Variants in SHB observed in about 807,000 individuals in gnomAD.
The protein encoded by SHB is SH2 domain-containing adapter protein B.
A neutral mutation model predicts 52.3 loss-of-function variants in SHB; 20 were observed. That is an observed-to-expected ratio of 0.38 (90% CI 0.27 to 0.56). SHB has a LOEUF of 0.56. Among genes scored for constraint, SHB ranks in the 20% least tolerant of loss-of-function variants. SHB has a pLI of 0.71. For synonymous variants in SHB, 397 were observed against 316.5 expected, an observed-to-expected ratio of 1.25 and a Z score of -2.70; for missense variants, 825 against 723.3, an observed-to-expected ratio of 1.14 and a Z score of -1.61.
Position 37,949,681 on chromosome 9 carries a change from T to C in SHB, c.1227-927A>G, listed in dbSNP as rs114152879. 3.5e-3 allele frequency among the ~76,000 whole-genome samples: 526 copies of C among 152,230 alleles called. 4 individuals are homozygous for C. The highest frequency in any genetic ancestry group is 0.012 in the African/African-American group (505 of 41,534). On this transcript the variant is annotated intron_variant, in intron 4 of 5. Transcript: ENST00000377707. ...CTCTGTTTGAGCAACATGGAAACCA[T>C]CAGAGGGTGCTGATGGGAGGGCCAC...
intron 3 of SHB, among the ~76,000 whole-genome samples, chr9:37,960,216 G>GA (rs1301702275): frequency 3.3e-5 from 5 of 151,976 alleles, no homozygotes; most frequent in African/African-American, 1.2e-4. Flanking sequence ...GGCAGCCTAA[G>GA]AAAAAAAATG....
chr9:37,956,037 C>T lies in SHB; in HGVS notation c.1072G>A (p.Glu358Lys), dbSNP rs1444991815. 1.9e-6 allele frequency: 3 copies of T among 1,566,108 alleles called. No individual in the cohort carries two copies. The highest frequency in any genetic ancestry group is 4.7e-5 in the East Asian group (2 of 42,920). The part of the protein sequence containing the change: ...PALAAQFNGN[E>K]KRQSSPSPSR... ...GGTGAGGGGGATGACTGCCGCTTCT[C>T]GTTGCCATTAAACTGTGCTGTGGGG... Residue 358 changes from glutamate to lysine, a missense_variant, in exon 4 of 6, where the codon GAG (glutamate) becomes AAG (lysine). Physicochemically the swap from Glu to Lys is moderately conservative, Grantham distance 56. Transcript: ENST00000377707.
chr9:37,971,033 A>G (rs73455554), intron 3 of SHB, among the ~76,000 whole-genome samples: 6,164 of 152,260 alleles, frequency 0.04, 268 homozygotes, highest in African/African-American at 0.11. Context: ...TCCTCCAGCT[A>G]TGGATCCTGC....
intron 1 of SHB, among the ~76,000 whole-genome samples, chr9:38,045,703 A>G (rs1287244208): frequency 6.6e-6 from 1 of 152,226 alleles, no homozygotes; most frequent in East Asian, 1.9e-4. Flanking sequence ...GTGAGATCCT[A>G]CACAGCACAA....
intron 5 of SHB, among the ~76,000 whole-genome samples, chr9:37,927,084 C>T (rs1832258668): frequency 6.6e-6 from 1 of 152,232 alleles, no homozygotes. Context: ...AAGCAACTTG[C>T]CCAGTCACGA....
Position 37,932,880 on chromosome 9 carries a change from G to A in SHB, c.1347-12876C>T, listed in dbSNP as rs144229652. ...TTCTCCTGCCTTGGCCTCCCAAAGC[G>A]CTGGGATTATAGGCATGAGGTACTG... On this transcript the variant is annotated intron_variant, in intron 5 of 5. Coordinates refer to ENST00000377707, the MANE Select transcript of SHB (RefSeq NM_003028.3). Among the ~76,000 whole-genome samples the A allele has an allele frequency of 4.6e-3, 695 of 152,300 alleles. 3 individuals carry two copies. Among genetic ancestry groups the A allele is most frequent in the African/African-American group, 0.016 (669 of 41,558 alleles).
chr9:37,987,488 A>G (rs1040817146), intron 2 of SHB, among the ~76,000 whole-genome samples: 1 of 152,214 alleles, frequency 6.6e-6, no homozygotes, highest in African/African-American at 2.4e-5. Context: ...GGGACAAAAG[A>G]ACACGGACAC....
At chr9:38,050,398 A>AC (rs1821724211) in intron 1 of SHB, among the ~76,000 whole-genome samples, 1 of 152,234 alleles carries the variant, frequency 6.6e-6, no homozygotes. Flanking sequence ...ATGCAAGGTT[A>AC]CCTTAGATTT....
chr9:38,065,991 T>C (rs1821955823), intron 1 of SHB, among the ~76,000 whole-genome samples: 1 of 152,158 alleles, frequency 6.6e-6, no homozygotes, highest in African/African-American at 2.4e-5. Flanking sequence ...ATCCCTCCTG[T>C]AACCCTGTAA....
intron 2 of SHB, 70 bp downstream of exon 2, chr9:38,015,941 G>T: frequency 6.5e-7 from 1 of 1,533,466 alleles, no homozygotes; most frequent in South Asian, 1.2e-5. Context: ...GGGACCACCC[G>T]GCAGTGCCCT....
intron 1 of SHB, among the ~76,000 whole-genome samples, chr9:38,042,040 G>A (rs974844272): frequency 3.3e-5 from 5 of 152,162 alleles, no homozygotes; most frequent in Admixed American, 1.3e-4. Context: ...AGGAGCACTG[G>A]GGCAGACGGG....
chr9:38,063,792 G>A (rs891146030), intron 1 of SHB, among the ~76,000 whole-genome samples: 1 of 142,700 alleles, frequency 7.0e-6, no homozygotes, highest in African/African-American at 2.7e-5. Flanking sequence ...CTGTTTGCTG[G>A]ATGTTTTTTT....
intron 5 of SHB, among the ~76,000 whole-genome samples, chr9:37,936,171 G>C (rs1832368379): frequency 6.6e-6 from 1 of 152,114 alleles, no homozygotes; most frequent in Admixed American, 6.5e-5. Flanking sequence ...AGCCGAGATA[G>C]CGCCATTGCA....
At chr9:37,956,104 G>C (rs1321978162) in intron 3 of SHB, 50 bp from the exon 4 acceptor site, 7 of 1,519,094 alleles carry the variant, frequency 4.6e-6, no homozygotes, top group African/African-American at 4.1e-5. Flanking sequence ...AGCCCAGGGA[G>C]CTACTGTGAG....
intron 5 of SHB, among the ~76,000 whole-genome samples, chr9:37,925,046 G>A (rs1215576088): frequency 1.3e-5 from 2 of 152,206 alleles, no homozygotes; most frequent in East Asian, 3.8e-4. Context: ...AGCAGGCTGA[G>A]CCTTAGCCCC....
intron 2 of SHB, among the ~76,000 whole-genome samples, chr9:38,014,247 T>C (rs1821181661): frequency 6.6e-6 from 1 of 151,954 alleles, no homozygotes. Flanking sequence ...ATTCTGAACA[T>C]GACCCAAAGT....
At chr9:38,034,598 A>AG (rs1414198903) in intron 1 of SHB, among the ~76,000 whole-genome samples, 2 of 152,266 alleles carry the variant, frequency 1.3e-5, no homozygotes, top group African/African-American at 4.8e-5. Context: ...CTGATCCCAC[A>AG]GAACACGCCT....
At chr9:37,964,615 C>A (rs1004056052) in intron 3 of SHB, among the ~76,000 whole-genome samples, 1 of 152,066 alleles carries the variant, frequency 6.6e-6, no homozygotes, top group African/African-American at 2.4e-5. Flanking sequence ...ACTGACTCAC[C>A]CAGAGTCAAC....
At chr9:37,955,431 G>T (rs1435687255) in intron 4 of SHB, among the ~76,000 whole-genome samples, 1 of 152,080 alleles carries the variant, frequency 6.6e-6, no homozygotes, top group African/African-American at 2.4e-5. Flanking sequence ...GGGGAGGTAG[G>T]GGCAGGCTAG....
Sources: gnomAD v4.1 joint callset for allele counts (sites outside exome capture counted in the v4.1 genomes callset) on GRCh38, gnomAD v4.1.1 for gene constraint, MANE v1.5 for transcripts, NCBI Gene and HGNC (gene_info 2026-07-23, HGNC 2026-07-21) for gene names.